ZHX2: variants seen among roughly 807,000 people sequenced by gnomAD.
ZHX2 encodes the protein zinc fingers and homeoboxes protein 2.
ZHX2 carries 6 observed loss-of-function variants against 21.9 expected under a neutral mutation model. The observed-to-expected ratio is 0.27, with a 90% confidence interval of 0.15 to 0.54. The LOEUF (loss-of-function observed/expected upper bound fraction) is 0.54. Ranked by LOEUF, ZHX2 falls within the 20% of genes least tolerant of loss-of-function variation. ZHX2 has a pLI of 0.95. For missense variants in ZHX2, 908 were observed against 1,090.7 expected (o/e 0.83, Z 2.36); for synonymous variants, 434 against 437.1 (o/e 0.99, Z 0.09).
At chr8:122,887,882 G>A (rs930900590) in intron 2 of ZHX2, among the ~76,000 whole-genome samples, 9 of 151,582 alleles carry the variant, frequency 5.9e-5, no homozygotes, top group Non-Finnish European at 1.3e-4. Flanking sequence ...CCTCTGCCGC[G>A]CTTGCCGGCC....
chr8:122,919,909 A>T (rs1320240074), intron 2 of ZHX2, among the ~76,000 whole-genome samples: 1 of 152,356 alleles, frequency 6.6e-6, no homozygotes, highest in Admixed American at 6.5e-5. Flanking sequence ...AATCATGGGT[A>T]ATTCCTACAC....
chr8:122,915,580 T>G (rs928211728), intron 2 of ZHX2, among the ~76,000 whole-genome samples: 1 of 152,254 alleles, frequency 6.6e-6, no homozygotes, highest in Non-Finnish European at 1.5e-5. Context: ...CTGCTTTTGA[T>G]TCCTTGGCTT....
chr8:122,973,736 G>A lies in ZHX2; in HGVS notation c.*499G>A, dbSNP rs971619185. On this transcript the variant is annotated 3_prime_UTR_variant, in exon 4 of 4. Transcript: ENST00000314393. ...ATGATATCTACTGGATTTTAAGTAG[G>A]GAGACTTTATTTTTAAAGGTAGGTT... 6.6e-6 allele frequency: 1 copy of A among 152,470 alleles called. No homozygotes were observed. The highest frequency in any genetic ancestry group is 2.4e-5 in the African/African-American group (1 of 41,368). The allele number at this position is 152,470 out of a possible 1,614,324, so 9.4% of individuals were successfully genotyped here. A position where few individuals can be genotyped will look rare whatever the true frequency, so the allele number is the denominator to read the frequency against.
chr8:122,952,301 C>A lies in ZHX2; in HGVS notation c.791C>A (p.Thr264Asn), dbSNP rs1813142494. The A allele has an allele frequency of 1.2e-6, 2 of 1,614,018 alleles. No homozygotes were observed. The highest frequency in any genetic ancestry group is 1.3e-5 in the African/African-American group (1 of 74,894). ...CCCAAGGTCCCTGTCCCACTAAATA[C>A]TACCAAATACAACTCTGCCCTGGAT... The part of the protein sequence containing the change: ...LVPKVPVPLN[T>N]TKYNSALDTN... Residue 264 changes from threonine (T) to asparagine (N), a missense_variant, in exon 3 of 4, where the codon ACT (threonine) becomes AAT (asparagine). Physicochemically the swap from Thr to Asn is moderately conservative, Grantham distance 65. Transcript: ENST00000314393. The surrounding 1 kb of genome is among the most constrained non-coding windows in gnomAD (Gnocchi z 6.9).
chr8:122,826,875 A>G (rs1392506426), intron 1 of ZHX2, among the ~76,000 whole-genome samples: 1 of 152,156 alleles, frequency 6.6e-6, no homozygotes, highest in Non-Finnish European at 1.5e-5. Context: ...CTGACTCTTA[A>G]TATAGGTTTG....
At chr8:122,868,845 G>A (rs1334435771) in intron 2 of ZHX2, among the ~76,000 whole-genome samples, 1 of 152,162 alleles carries the variant, frequency 6.6e-6, no homozygotes, top group African/African-American at 2.4e-5. Flanking sequence ...GGGCAACAGT[G>A]AGACCCTATA....
chr8:122,828,509 T>A lies in ZHX2; in HGVS notation c.-282-34968T>A, dbSNP rs140213477. Among the ~76,000 whole-genome samples, 504 of 152,318 alleles carry A rather than the reference T, an allele frequency of 3.3e-3. 2 individuals are homozygous for A. Among genetic ancestry groups the A allele is most frequent in the African/African-American group, 0.011 (438 of 41,570 alleles). ...GACAGGGAGAGCTGCGGCCCACGAA[T>A]GCATCTACCAGTGTGCAGCTAAACC... On this transcript the variant is annotated intron_variant, in intron 1 of 3. Coordinates refer to ENST00000314393, the MANE Select transcript of ZHX2 (RefSeq NM_014943.5). This position sits in a 1 kb window ranked among gnomAD's most constrained non-coding sequence, Gnocchi z 5.2.
chr8:122,791,726 G>A (rs531328454), intron 1 of ZHX2, among the ~76,000 whole-genome samples: 3 of 152,200 alleles, frequency 2.0e-5, no homozygotes, highest in South Asian at 2.1e-4. Context: ...TTAGCTGGGC[G>A]TGGTGGCACA....
At chr8:122,811,542 G>T (rs1196607524) in intron 1 of ZHX2, among the ~76,000 whole-genome samples, 1 of 152,228 alleles carries the variant, frequency 6.6e-6, no homozygotes, top group Non-Finnish European at 1.5e-5. Context: ...CTGGAAACCA[G>T]ACACACTTAC....
intron 1 of ZHX2, among the ~76,000 whole-genome samples, chr8:122,817,724 A>G (rs1818064754): frequency 6.6e-6 from 1 of 152,168 alleles, no homozygotes. Flanking sequence ...CTGACCCATC[A>G]TTGTGCTGCC....
chr8:122,971,610 A>C (rs1373529981), intron 3 of ZHX2, among the ~76,000 whole-genome samples: 1 of 130,932 alleles, frequency 7.6e-6, no homozygotes. Context: ...TGGCCCCTGT[A>C]CAAAAAAAAA....
At chr8:122,894,197 G>A (rs550041908) in intron 2 of ZHX2, among the ~76,000 whole-genome samples, 16 of 152,342 alleles carry the variant, frequency 1.1e-4, no homozygotes, top group South Asian at 4.1e-4. Flanking sequence ...GGGCTGTGGC[G>A]GTTATGCACT....
At chr8:122,900,064 C>G (rs1377785566) in intron 2 of ZHX2, among the ~76,000 whole-genome samples, 1 of 152,176 alleles carries the variant, frequency 6.6e-6, no homozygotes, top group Non-Finnish European at 1.5e-5. Context: ...CACGCTTCTC[C>G]CTCTATTAAT....
intron 1 of ZHX2, among the ~76,000 whole-genome samples, chr8:122,846,666 T>C (rs544221587): frequency 9.9e-5 from 15 of 151,978 alleles, no homozygotes; most frequent in African/African-American, 3.4e-4. Flanking sequence ...CTTTGTCCTA[T>C]GATGGCTTCT....
chr8:122,801,447 T>A (rs1817718242), intron 1 of ZHX2, among the ~76,000 whole-genome samples: 1 of 152,024 alleles, frequency 6.6e-6, no homozygotes, highest in African/African-American at 2.4e-5. Context: ...TTTCAGAAGA[T>A]GAGTCAAGAG....
chr8:122,967,888 C>A (rs1479744182), intron 3 of ZHX2, among the ~76,000 whole-genome samples: 1 of 152,144 alleles, frequency 6.6e-6, no homozygotes, highest in East Asian at 1.9e-4. Context: ...ATGGACAGGA[C>A]CACAGAACTT....
chr8:122,936,571 C>T (rs572074988), intron 2 of ZHX2, among the ~76,000 whole-genome samples: 14 of 152,292 alleles, frequency 9.2e-5, no homozygotes, highest in African/African-American at 2.9e-4. Context: ...ATGGTGGCAG[C>T]GAGGAGGCTG....
chr8:122,781,123 G>A (rs1032041833), upstream of ZHX2: 2 of 152,188 alleles, frequency 1.3e-5, no homozygotes, highest in African/African-American at 4.8e-5. This position sits in a 1 kb window ranked among gnomAD's most constrained non-coding sequence, Gnocchi z 4.6. Flanking sequence ...GCCGGGCCAA[G>A]GCGCAGGCAG....
chr8:122,803,735 T>C (rs2130581032), intron 1 of ZHX2, among the ~76,000 whole-genome samples: 1 of 152,358 alleles, frequency 6.6e-6, no homozygotes, highest in East Asian at 1.9e-4. Context: ...CGTGTTTTTT[T>C]CTGTCTTGGT....
Sources: gnomAD v4.1 joint callset for allele counts (sites outside exome capture counted in the v4.1 genomes callset) on GRCh38, gnomAD v4.1.1 for gene constraint, Gnocchi (gnomAD v3.1) non-coding constraint, MANE v1.5 for transcripts, NCBI Gene and HGNC (gene_info 2026-07-23, HGNC 2026-07-21) for gene names.